The following SNTG1 variants were observed in gnomAD, a reference collection of about 807,000 sequenced individuals.
SNTG1 encodes gamma-1-syntrophin.
A neutral mutation model predicts 74.7 loss-of-function variants in SNTG1; 39 were observed. That is an observed-to-expected ratio of 0.52 (90% CI 0.40 to 0.68). SNTG1 has a LOEUF of 0.68. Ranked by LOEUF, SNTG1 falls within the 30% of genes least tolerant of loss-of-function variation. The pLI is 0.00. For missense variants in SNTG1, 685 were observed against 609.5 expected, an observed-to-expected ratio of 1.12 and a Z score of -1.30; for synonymous variants, 254 against 217.1, an observed-to-expected ratio of 1.17 and a Z score of -1.49.
chr8:50,535,625 A>C (rs2094302194), intron 10 of SNTG1, among the ~76,000 whole-genome samples: 1 of 152,188 alleles, frequency 6.6e-6, no homozygotes. Flanking sequence ...TGCTCCACTG[A>C]CTTAGTACAT....
chr8:50,649,475 G>C (rs904152500), intron 13 of SNTG1, among the ~76,000 whole-genome samples: 3 of 152,068 alleles, frequency 2.0e-5, no homozygotes, highest in African/African-American at 7.2e-5. Context: ...CTCCAGCCTG[G>C]GTGACAGAGG....
intron 2 of SNTG1, among the ~76,000 whole-genome samples, chr8:50,349,674 A>G (rs1484548945): frequency 1.3e-5 from 2 of 152,130 alleles, no homozygotes; most frequent in African/African-American, 4.8e-5. Flanking sequence ...GAGTTTTGGA[A>G]AGGCACTTTG....
At position 50,354,808 on chromosome 8, in the gene SNTG1, C is replaced by T. The variant is rs74642990; in HGVS notation, c.-27-39404C>T. The stretch of plus-strand genomic sequence containing the variant: ...CCAGGCTCACGTAGCTAAGGCAGAA[C>T]TCAGCTGCTTGCAGTGGCTGGACTG... On this transcript the variant is annotated intron_variant, in intron 2 of 18. Transcript: ENST00000642720. Among the ~76,000 whole-genome samples the T allele has an allele frequency of 9.8e-3, 1,499 of 152,222 alleles. 10 individuals are homozygous for T. Among genetic ancestry groups the T allele is most frequent in the Admixed American group, 0.017 (260 of 15,286 alleles).
intron 3 of SNTG1, among the ~76,000 whole-genome samples, chr8:50,395,229 G>A (rs2092711814): frequency 6.6e-6 from 1 of 152,104 alleles, no homozygotes; most frequent in African/African-American, 2.4e-5. Flanking sequence ...AGGTTTTTCA[G>A]AAAACTAATA....
At chr8:50,766,019 T>C (rs755148686) in intron 18 of SNTG1, among the ~76,000 whole-genome samples, 3 of 151,964 alleles carry the variant, frequency 2.0e-5, no homozygotes, top group Non-Finnish European at 4.4e-5. Context: ...AAATGTTAAA[T>C]ATAAAATACC....
chr8:50,266,604 T>C (rs2087477857), intron 2 of SNTG1, among the ~76,000 whole-genome samples: 1 of 149,696 alleles, frequency 6.7e-6, no homozygotes, highest in African/African-American at 2.4e-5. Context: ...ATAATTTTGG[T>C]GGGGCATATG....
At chr8:50,494,863 A>C (rs1434527122) in intron 8 of SNTG1, among the ~76,000 whole-genome samples, 1 of 152,086 alleles carries the variant, frequency 6.6e-6, no homozygotes, top group Non-Finnish European at 1.5e-5. Context: ...CAATTTTATC[A>C]AATGTTTCAA....
chr8:50,091,386 A>G (rs1488210932), intron 1 of SNTG1, among the ~76,000 whole-genome samples: 1 of 152,082 alleles, frequency 6.6e-6, no homozygotes, highest in Non-Finnish European at 1.5e-5. Flanking sequence ...ACCATTCTGT[A>G]CATTAAGTCT....
chr8:50,201,137 T>C (rs980826110), intron 2 of SNTG1, among the ~76,000 whole-genome samples: 1 of 152,120 alleles, frequency 6.6e-6, no homozygotes, highest in African/African-American at 2.4e-5. Flanking sequence ...AAACTAGAAG[T>C]TTAAAGGAGG....
At chr8:50,240,987 C>T (rs2086139735) in intron 2 of SNTG1, among the ~76,000 whole-genome samples, 1 of 151,994 alleles carries the variant, frequency 6.6e-6, no homozygotes, top group African/African-American at 2.4e-5. Context: ...GTAATTAAAC[C>T]TTGATAAATT....
intron 1 of SNTG1, among the ~76,000 whole-genome samples, chr8:50,042,514 T>C (rs539201712): frequency 6.6e-6 from 1 of 152,172 alleles, no homozygotes; most frequent in East Asian, 1.9e-4. Flanking sequence ...TGAACCATGA[T>C]AGCATCATTG....
chr8:50,633,716 A>G (rs2095019391), intron 13 of SNTG1, among the ~76,000 whole-genome samples: 1 of 152,136 alleles, frequency 6.6e-6, no homozygotes, highest in African/African-American at 2.4e-5. Context: ...TGTGTAGGAA[A>G]TGAACCCCAA....
At chr8:50,381,558 ATGTGTGTGTG>A (rs372674229) in intron 2 of SNTG1, among the ~76,000 whole-genome samples, 31 of 108,596 alleles carry the variant, frequency 2.9e-4, no homozygotes, top group Admixed American at 5.0e-4. Context: ...CTAATAGGAT[ATGTGTGTGTG>A]TGTGTGTGTG....
At chr8:49,941,531 T>TTATATA (rs34245758) in intron 1 of SNTG1, among the ~76,000 whole-genome samples, 4 of 146,978 alleles carry the variant, frequency 2.7e-5, no homozygotes, top group African/African-American at 9.9e-5. Flanking sequence ...ACATTAACTT[T>TTATATA]TATATATATA....
At chr8:50,085,275 C>T (rs1220347015) in intron 1 of SNTG1, among the ~76,000 whole-genome samples, 1 of 151,612 alleles carries the variant, frequency 6.6e-6, no homozygotes, top group Non-Finnish European at 1.5e-5. Context: ...TCATCAGTAA[C>T]TGACAACTCC....
chr8:50,102,541 TGTGCAGAAG>T (rs1231474062), intron 1 of SNTG1, among the ~76,000 whole-genome samples: 1 of 145,444 alleles, frequency 6.9e-6, no homozygotes, highest in Non-Finnish European at 1.5e-5. Context: ...TTTCTTTTGC[TGTGCAGAAG>T]CTCTTTAGTT....
At position 50,076,508 on chromosome 8, in the gene SNTG1, A is replaced by T. The variant is rs531083740; in HGVS notation, c.-102-96053A>T. On this transcript the variant is annotated intron_variant, in intron 1 of 18. Coordinates refer to ENST00000642720, the MANE Select transcript of SNTG1 (RefSeq NM_018967.5). Reference sequence around the variant, plus strand: ...ATGACCACAAAATTATATTACCTTGATTACTATTAAAATGAAAAACTGCTT... The same window carrying T: ...ATGACCACAAAATTATATTACCTTGTTTACTATTAAAATGAAAAACTGCTT... 2.6e-3 allele frequency among the ~76,000 whole-genome samples: 389 copies of T among 152,288 alleles called. 1 individual carries two copies. The highest frequency in any genetic ancestry group is 8.8e-3 in the African/African-American group (366 of 41,556).
intron 2 of SNTG1, among the ~76,000 whole-genome samples, chr8:50,370,569 T>C (rs560362382): frequency 6.7e-6 from 1 of 149,572 alleles, no homozygotes; most frequent in East Asian, 1.9e-4. Flanking sequence ...GCAATGATAG[T>C]AGTCTCCTCG....
chr8:50,136,148 C>T (rs1293591244), intron 1 of SNTG1, among the ~76,000 whole-genome samples: 1 of 152,094 alleles, frequency 6.6e-6, no homozygotes, highest in Non-Finnish European at 1.5e-5. Context: ...TTTAACAAGA[C>T]CAACTATTCA....
Sources: allele counts gnomAD v4.1 joint callset (sites outside exome capture counted in the v4.1 genomes callset), GRCh38; gene constraint gnomAD v4.1.1; transcripts MANE v1.5; gene names NCBI Gene and HGNC (gene_info 2026-07-23, HGNC 2026-07-21).